The following RAB6B variants were observed in gnomAD, a reference collection of about 807,000 sequenced individuals.
RAB6B encodes the protein ras-related protein Rab-6B.
RAB6B carries 7 observed loss-of-function variants against 31.2 expected under a neutral mutation model. The ratio of observed to expected loss-of-function variants is 0.22; its 90% CI spans 0.13 to 0.42. RAB6B has a LOEUF of 0.42. RAB6B is among the 10% of genes least tolerant of loss of function. The pLI is 1.00. For missense variants in RAB6B, 149 were observed against 280.6 expected, an observed-to-expected ratio of 0.53 and a Z score of 3.35; for synonymous variants, 105 against 104.9, an observed-to-expected ratio of 1.00 and a Z score of -0.01.
chr3:133,888,499 G>C (rs956192392), intron 1 of RAB6B, among the ~76,000 whole-genome samples: 6 of 152,150 alleles, frequency 3.9e-5, no homozygotes, highest in Non-Finnish European at 7.3e-5. Context: ...TCAGGACTTG[G>C]GCCTGTCCCT....
At chr3:133,841,740 G>T in intron 2 of RAB6B, 77 bp from the exon 3 acceptor site, 1 of 1,477,898 alleles carries the variant, frequency 6.8e-7, no homozygotes, top group Non-Finnish European at 9.4e-7. Flanking sequence ...ACCACAGGTG[G>T]TGGCATAACC....
At chr3:133,872,128 C>T (rs561638758) in intron 1 of RAB6B, among the ~76,000 whole-genome samples, 1 of 152,342 alleles carries the variant, frequency 6.6e-6, no homozygotes, top group African/African-American at 2.4e-5. Context: ...AGCAGCCAGG[C>T]CCATTTCAGA....
intron 4 of RAB6B, among the ~76,000 whole-genome samples, chr3:133,840,429 A>AC (rs1412242942): frequency 6.6e-6 from 1 of 152,158 alleles, no homozygotes; most frequent in East Asian, 1.9e-4. Context: ...GGCCATGTGA[A>AC]CCCAGGCCCT....
At chr3:133,885,320 T>TGACCAGAGGACGGGGGACTCACACACCC (rs1936530757) in intron 1 of RAB6B, among the ~76,000 whole-genome samples, 1 of 77,154 alleles carries the variant, frequency 1.3e-5, no homozygotes, top group African/African-American at 5.2e-5. Flanking sequence ...CTCACACACC[T>TGACCAGAGGACGGGGGACTCACACACCC]AATGACCAGA....
chr3:133,841,434 G>A (rs1346484998), intron 3 of RAB6B, 44 bp from the exon 4 acceptor site: 3 of 1,594,438 alleles, frequency 1.9e-6, no homozygotes, highest in Non-Finnish European at 2.6e-6. Context: ...GGTCAGTGGG[G>A]CAGTGAGGTC....
At chr3:133,889,370 G>T in intron 1 of RAB6B, among the ~76,000 whole-genome samples, 1 of 101,538 alleles carries the variant, frequency 9.8e-6, no homozygotes, top group South Asian at 3.6e-4. Context: ...GGAACAAAAG[G>T]ACAATAAGGT....
In RAB6B at chr3:133,895,488, G is replaced by A. The variant is rs563456473; in HGVS notation, c.-22C>T. 1.2e-6 allele frequency: 2 copies of A among 1,610,686 alleles called. No individual in the cohort carries two copies. The highest frequency in any genetic ancestry group is 2.2e-5 in the East Asian group (1 of 44,730). ...ACATGGTGCTGGCAGCCGGGGCCGG[G>A]AGAGGAGGAGGAGGAAAAAGCGAAG... On this transcript the variant is annotated 5_prime_UTR_variant, in exon 1 of 8. Transcript: ENST00000285208.
At chr3:133,894,400 C>A (rs1283259422) in intron 1 of RAB6B, 1 of 152,316 alleles carries the variant, frequency 6.6e-6, no homozygotes, top group African/African-American at 2.4e-5. Context: ...ACCTGGTTTT[C>A]AGAGATGTTT....
intron 1 of RAB6B, among the ~76,000 whole-genome samples, chr3:133,885,027 A>G (rs1936522665): frequency 7.0e-6 from 1 of 143,226 alleles, no homozygotes; most frequent in African/African-American, 2.6e-5. Context: ...TAACCAGAGG[A>G]TGGGGGGCTC....
Position 133,828,071 on chromosome 3 carries a change from G to C in RAB6B, c.*717C>G, listed in dbSNP as rs892323388. On this transcript the variant is annotated 3_prime_UTR_variant, in exon 8 of 8. Coordinates refer to ENST00000285208, the MANE Select transcript of RAB6B (RefSeq NM_016577.4). ...GCCTGTACCCTCAACCCCCTTCAAGGCTTTTCAGGGAAAGAGAAGGAGAGG... is the reference window on the plus strand; with the variant it reads ...GCCTGTACCCTCAACCCCCTTCAAGCCTTTTCAGGGAAAGAGAAGGAGAGG... 3 of 681,598 alleles carry C rather than the reference G, an allele frequency of 4.4e-6. No homozygotes were observed. The African/African-American group carries it at 5.3e-5, about 12-fold the overall frequency. 42.2% of individuals were successfully genotyped at this position (681,598 alleles called of 1,614,324 possible).
intron 2 of RAB6B, among the ~76,000 whole-genome samples, chr3:133,858,058 T>C (rs1341863031): frequency 2.0e-5 from 3 of 152,024 alleles, no homozygotes; most frequent in African/African-American, 7.2e-5. Context: ...ACAAACTCCT[T>C]ATCTTTGATC....
Position 133,895,610 on chromosome 3 carries a change from C to T in RAB6B, c.-144G>A. On this transcript the variant is annotated 5_prime_UTR_variant, in exon 1 of 8. Coordinates refer to ENST00000285208, the MANE Select transcript of RAB6B (RefSeq NM_016577.4). ...GCTGCGCGCGTCCCTGACTCCCCAG[C>T]TGCGTCCCGGTCCCGGCCTGCGGCT... The T allele has an allele frequency of 1.3e-6, 1 of 756,900 alleles. No individual in the cohort carries two copies. The highest frequency in any genetic ancestry group is 2.2e-6 in the Non-Finnish European group (1 of 462,154). 46.9% of individuals were successfully genotyped at this position (756,900 alleles called of 1,614,324 possible).
chr3:133,844,033 A>G (rs946536509), intron 2 of RAB6B, among the ~76,000 whole-genome samples: 12 of 152,358 alleles, frequency 7.9e-5, no homozygotes, highest in Admixed American at 7.2e-4. Flanking sequence ...TCTCAAAGGT[A>G]GGCACCTGAT....
Position 133,895,456 on chromosome 3 carries a change from C to A in RAB6B, c.11G>T (p.Gly4Val). The A allele has an allele frequency of 6.2e-7, 1 of 1,610,890 alleles. No individual in the cohort carries two copies. The highest frequency in any genetic ancestry group is 8.5e-7 in the Non-Finnish European group (1 of 1,178,640). The change falls in exon 1 of 8, where the codon GGG becomes GTG. Residue 4 changes from glycine to valine, a missense_variant. By Grantham distance (109) the Gly-to-Val change is moderately radical (BLOSUM62 -3). Coordinates refer to ENST00000285208, the MANE Select transcript of RAB6B (RefSeq NM_016577.4). MSA[G>V]GDFGNPLRKF... ...TCTCAGTGGATTCCCAAAATCTCCC[C>A]CTGCGGACATGGTGCTGGCAGCCGG...
At chr3:133,856,545 G>C (rs1448513396) in intron 2 of RAB6B, among the ~76,000 whole-genome samples, 3 of 152,184 alleles carry the variant, frequency 2.0e-5, no homozygotes. Flanking sequence ...AGAGAGGCTG[G>C]GAAAGCCAAA....
chr3:133,830,415 T>G (rs1935639579), intron 7 of RAB6B, among the ~76,000 whole-genome samples: 1 of 152,194 alleles, frequency 6.6e-6, no homozygotes, highest in African/African-American at 2.4e-5. Flanking sequence ...TGACGCTAGC[T>G]TATCCCCTTC....
chr3:133,845,328 T>G (rs745787316), intron 2 of RAB6B, among the ~76,000 whole-genome samples: 2 of 152,210 alleles, frequency 1.3e-5, no homozygotes, highest in Non-Finnish European at 2.9e-5. Flanking sequence ...ATTAGTACCC[T>G]TATAAAAGAG....
chr3:133,832,343 A>AG (rs1935666772), intron 7 of RAB6B, among the ~76,000 whole-genome samples: 1 of 151,986 alleles, frequency 6.6e-6, no homozygotes, highest in Non-Finnish European at 1.5e-5. Flanking sequence ...AGCGGCCCTG[A>AG]GGGGTCCTCC....
chr3:133,882,569 G>C (rs914761424), intron 1 of RAB6B, among the ~76,000 whole-genome samples: 1 of 152,210 alleles, frequency 6.6e-6, no homozygotes, highest in Non-Finnish European at 1.5e-5. Flanking sequence ...TCTCTGCCTT[G>C]AGACTAAAGC....
Sources: allele counts gnomAD v4.1 joint callset (sites outside exome capture counted in the v4.1 genomes callset), GRCh38; gene constraint gnomAD v4.1.1; transcripts MANE v1.5; gene names NCBI Gene and HGNC (gene_info 2026-07-23, HGNC 2026-07-21).